Variants in ARK2N observed in about 807,000 individuals in gnomAD.
ARK2N encodes the protein arkadia (RNF111) N-terminal like PKA signaling regulator 2N.
chr18:46,262,177 A>G, the ARK2N span, among the ~76,000 whole-genome samples: 1 of 152,198 alleles, frequency 6.6e-6, no homozygotes, highest in Non-Finnish European at 1.5e-5. Context: ...CAATTCTATC[A>G]TTTGACTGGA....
the ARK2N span, among the ~76,000 whole-genome samples, chr18:46,257,929 ATTT>A: frequency 3.5e-5 from 5 of 144,644 alleles, no homozygotes; most frequent in African/African-American, 2.5e-5. Context: ...CCAGTTGCTA[ATTT>A]TTTTTTTTTT....
At chr18:46,230,113 T>G in the ARK2N span, among the ~76,000 whole-genome samples, 3 of 151,852 alleles carry the variant, frequency 2.0e-5, no homozygotes, top group East Asian at 5.8e-4. Context: ...TTAGTAGGGA[T>G]GGGGTTTCAC....
the ARK2N span, among the ~76,000 whole-genome samples, chr18:46,229,411 G>A: frequency 1.3e-5 from 2 of 151,958 alleles, no homozygotes; most frequent in Non-Finnish European, 2.9e-5. Flanking sequence ...GCAGTGGCGC[G>A]ATCTCAGCTC....
the ARK2N span, among the ~76,000 whole-genome samples, chr18:46,246,476 T>G: frequency 2.4e-4 from 37 of 152,172 alleles, no homozygotes; most frequent in Non-Finnish European, 4.7e-4. Flanking sequence ...CCTAGCTGAT[T>G]TGTTTTCTGT....
chr18:46,190,202 T>A, the ARK2N span, among the ~76,000 whole-genome samples: 1 of 152,162 alleles, frequency 6.6e-6, no homozygotes, highest in African/African-American at 2.4e-5. Context: ...AAGGCCATTT[T>A]TATCTTGTGT....
At chr18:46,233,956 A>G in the ARK2N span, among the ~76,000 whole-genome samples, 1 of 152,034 alleles carries the variant, frequency 6.6e-6, no homozygotes, top group Non-Finnish European at 1.5e-5. Flanking sequence ...TAATTTTCTG[A>G]TGTTATTCTG....
the ARK2N span, among the ~76,000 whole-genome samples, chr18:46,176,096 T>C: frequency 6.8e-3 from 1,030 of 152,306 alleles, 18 homozygotes; most frequent in African/African-American, 0.024. Flanking sequence ...CCTTCAAAGG[T>C]TTCTTGCTTC....
the ARK2N span, chr18:46,228,899 A>G: frequency 2.5e-6 from 1 of 398,272 alleles, no homozygotes; most frequent in Admixed American, 4.4e-5. Flanking sequence ...TATTCAAGGT[A>G]AGAATAACAT....
chr18:46,213,878 G>A, the ARK2N span, among the ~76,000 whole-genome samples: 1 of 151,804 alleles, frequency 6.6e-6, no homozygotes, highest in East Asian at 1.9e-4. Flanking sequence ...TGTATTTTTA[G>A]TAGAGACGGG....
chr18:46,204,949 T>A, the ARK2N span, among the ~76,000 whole-genome samples: 8 of 151,748 alleles, frequency 5.3e-5, no homozygotes, highest in Admixed American at 2.6e-4. Flanking sequence ...TTATTTTTTT[T>A]ATTTTTTATT....
chr18:46,216,090 G>A, the ARK2N span: 1 of 1,614,132 alleles, frequency 6.2e-7, no homozygotes, highest in Non-Finnish European at 8.5e-7. This position sits in a 1 kb window ranked among gnomAD's most constrained non-coding sequence, Gnocchi z 4.3. Context: ...CTGAGTCTCA[G>A]TTAGCATCCA....
chr18:46,226,074 T>A, the ARK2N span, among the ~76,000 whole-genome samples: 1 of 152,228 alleles, frequency 6.6e-6, no homozygotes, highest in Non-Finnish European at 1.5e-5. Flanking sequence ...CATAGTTAAC[T>A]GTAAAGATCA....
chr18:46,235,898 A>G, the ARK2N span, among the ~76,000 whole-genome samples: 11 of 87,662 alleles, frequency 1.3e-4, no homozygotes, highest in Non-Finnish European at 3.0e-4. Flanking sequence ...GAGATTTAGA[A>G]CATACTTGAA....
the ARK2N span, among the ~76,000 whole-genome samples, chr18:46,178,590 G>C: frequency 6.6e-6 from 1 of 152,312 alleles, no homozygotes; most frequent in East Asian, 1.9e-4. Flanking sequence ...GATTATAGGC[G>C]GGAGCCACCA....
chr18:46,250,928 C>G, the ARK2N span, among the ~76,000 whole-genome samples: 1 of 152,170 alleles, frequency 6.6e-6, no homozygotes, highest in Admixed American at 6.5e-5. Context: ...CCTGATTACC[C>G]TCAAGTCTGG....
At chr18:46,220,534 T>TA in the ARK2N span, among the ~76,000 whole-genome samples, 2 of 152,214 alleles carry the variant, frequency 1.3e-5, no homozygotes, top group African/African-American at 4.8e-5. Context: ...AGTAGAAAGT[T>TA]AAAATCACCC....
chr18:46,176,347 C>T, the ARK2N span, among the ~76,000 whole-genome samples: 1 of 152,248 alleles, frequency 6.6e-6, no homozygotes, highest in East Asian at 1.9e-4. Context: ...CTTAGATCTT[C>T]CTCATTTTCC....
chr18:46,184,329 G>A, the ARK2N span, among the ~76,000 whole-genome samples: 1 of 152,112 alleles, frequency 6.6e-6, no homozygotes, highest in East Asian at 1.9e-4. Flanking sequence ...TCAGCATGTT[G>A]GCTAGGCTGG....
the ARK2N span, among the ~76,000 whole-genome samples, chr18:46,235,578 A>G: frequency 1.2e-3 from 189 of 152,352 alleles, 1 homozygote; most frequent in African/African-American, 4.1e-3. Flanking sequence ...ACCAGGGTCT[A>G]TGTAGCTAAG....
Sources: gnomAD v4.1 joint callset for allele counts (sites outside exome capture counted in the v4.1 genomes callset) on GRCh38, gnomAD v4.1.1 for gene constraint, Gnocchi (gnomAD v3.1) non-coding constraint, MANE v1.5 for transcripts, NCBI Gene and HGNC (gene_info 2026-07-23, HGNC 2026-07-21) for gene names.